AP3S2: variants seen among roughly 807,000 people sequenced by gnomAD.
AP3S2 encodes the protein adaptor related protein complex 3 subunit sigma 2, also known as AP-3 complex subunit sigma-2.
AP3S2 carries 22 observed loss-of-function variants against 23.4 expected under a neutral mutation model. That is an observed-to-expected ratio of 0.94 (90% CI 0.67 to 1.34). The LOEUF is 1.34. Ranked by LOEUF, AP3S2 falls within the 40% of genes most tolerant of loss-of-function variation. The pLI, the probability that AP3S2 is intolerant of heterozygous loss-of-function variation, is 0.00. For missense variants in AP3S2, 241 were observed against 236.9 expected, an observed-to-expected ratio of 1.02 and a Z score of -0.11; for synonymous variants, 86 against 87.1, an observed-to-expected ratio of 0.99 and a Z score of 0.07.
At chr15:89,867,016 C>A (rs1327632747) in intron 4 of AP3S2, among the ~76,000 whole-genome samples, 9 of 124,270 alleles carry the variant, frequency 7.2e-5, no homozygotes, top group Non-Finnish European at 1.0e-4. Flanking sequence ...CCCTACCCCT[C>A]CCCCTCCCCC....
Position 89,835,179 on chromosome 15 carries a change from A to G in AP3S2, c.*336T>C. The G allele has an allele frequency of 2.6e-6, 1 of 383,572 alleles. No individual in the cohort carries two copies. Among genetic ancestry groups the G allele is most frequent in the African/African-American group, 2.1e-5 (1 of 48,634 alleles). The allele number at this position is 383,572 out of a possible 1,614,324, so 23.8% of individuals were successfully genotyped here. A position where few individuals can be genotyped will look rare whatever the true frequency, so the allele number is the denominator to read the frequency against. On this transcript the variant is annotated 3_prime_UTR_variant, in exon 6 of 6. Transcript: ENST00000336418. ...GGAAGCAGGTGGGCCTGCTCAATGC[A>G]GTCCCTAACCCTTGGGAGCATCCAT...
chr15:89,871,385 C>A, intron 4 of AP3S2, 90 bp downstream of exon 4: 3 of 1,193,130 alleles, frequency 2.5e-6, no homozygotes, highest in African/African-American at 3.1e-5. Flanking sequence ...AAACAAGAAA[C>A]AATATGAAGA....
At chr15:89,863,242 G>A (rs1323662716) in intron 4 of AP3S2, among the ~76,000 whole-genome samples, 2 of 152,164 alleles carry the variant, frequency 1.3e-5, no homozygotes, top group Non-Finnish European at 2.9e-5. Context: ...TGGGACTCTA[G>A]AAAGAGAACA....
chr15:89,869,678 C>A (rs1295300026), intron 4 of AP3S2, among the ~76,000 whole-genome samples: 3 of 151,696 alleles, frequency 2.0e-5, no homozygotes, highest in African/African-American at 7.3e-5. Flanking sequence ...TGGTGAGCAA[C>A]AGGTGGCATC....
intron 2 of AP3S2, 91 bp downstream of exon 2, chr15:89,888,958 C>G: frequency 3.4e-6 from 5 of 1,471,918 alleles, no homozygotes; most frequent in Non-Finnish European, 4.7e-6. Flanking sequence ...CATCAAGTAC[C>G]CACCTGACAC....
chr15:89,837,876 C>G, intron 4 of AP3S2, 154 bp from the exon 5 acceptor site: 1 of 776,170 alleles, frequency 1.3e-6, no homozygotes, highest in Non-Finnish European at 2.0e-6. Context: ...AGTGACACAA[C>G]GAGGGGTCTC....
At chr15:89,860,130 C>G (rs1217848078) in intron 4 of AP3S2, among the ~76,000 whole-genome samples, 1 of 152,060 alleles carries the variant, frequency 6.6e-6, no homozygotes, top group Non-Finnish European at 1.5e-5. Context: ...ATTCTACAGC[C>G]AACACTAAGA....
At chr15:89,845,401 G>T (rs887670572) in intron 4 of AP3S2, 1 of 152,224 alleles carries the variant, frequency 6.6e-6, no homozygotes, top group Non-Finnish European at 1.5e-5. Context: ...AGTCAGTTCA[G>T]ACCTTGTCCA....
chr15:89,893,836 T>A (rs369787936), intron 1 of AP3S2, 45 bp downstream of exon 1: 1 of 1,548,236 alleles, frequency 6.5e-7, no homozygotes, highest in South Asian at 1.2e-5. Flanking sequence ...AGGGAAGACA[T>A]AGTGGGCGCC....
chr15:89,858,493 A>AGAGAGAG (rs1596200467), intron 4 of AP3S2, among the ~76,000 whole-genome samples: 93 of 60,210 alleles, frequency 1.5e-3, no homozygotes, highest in Non-Finnish European at 2.3e-3. Flanking sequence ...GAAAGAAAGA[A>AGAGAGAG]AGAGAGAGAG....
At chr15:89,872,654 C>T (rs79427411) in intron 3 of AP3S2, among the ~76,000 whole-genome samples, 2,039 of 152,278 alleles carry the variant, frequency 0.013, 63 homozygotes, top group African/African-American at 0.046. Flanking sequence ...CCAGGCACAC[C>T]GTTCCACTGT....
At chr15:89,861,028 T>G (rs774500116) in intron 4 of AP3S2, among the ~76,000 whole-genome samples, 1 of 152,230 alleles carries the variant, frequency 6.6e-6, no homozygotes, top group Non-Finnish European at 1.5e-5. Context: ...GGACATCTGC[T>G]TCAACGTCAC....
At chr15:89,843,765 G>A (rs2141840808) in intron 4 of AP3S2, among the ~76,000 whole-genome samples, 1 of 152,246 alleles carries the variant, frequency 6.6e-6, no homozygotes, top group Middle Eastern at 3.4e-3. Context: ...CCAAGATCGT[G>A]CCACTGCACT....
chr15:89,887,529 G>A lies in AP3S2; in HGVS notation c.273+992C>T, dbSNP rs1470662910. 7.2e-5 allele frequency among the ~76,000 whole-genome samples: 11 copies of A among 151,754 alleles called. No homozygotes were observed. The South Asian group carries it at 2.3e-3, about 31-fold the overall frequency. On this transcript the variant is annotated intron_variant, in intron 3 of 5. Transcript: ENST00000336418. ...TGGGATTACTGGCACGTGCCACTAC[G>A]CCCGGCTAATTCTTGTATTTTTAGT...
chr15:89,890,011 T>C (rs1896784208), intron 1 of AP3S2, among the ~76,000 whole-genome samples: 1 of 152,168 alleles, frequency 6.6e-6, no homozygotes, highest in South Asian at 2.1e-4. Context: ...CAAAGTATTA[T>C]TGAGAAAAAT....
At chr15:89,892,643 T>C (rs562287532) in intron 1 of AP3S2, among the ~76,000 whole-genome samples, 2 of 146,574 alleles carry the variant, frequency 1.4e-5, no homozygotes, top group South Asian at 4.3e-4. Context: ...TGAATACTCA[T>C]ATACATACAT....
chr15:89,862,310 T>C (rs1896024925), intron 4 of AP3S2, among the ~76,000 whole-genome samples: 1 of 152,210 alleles, frequency 6.6e-6, no homozygotes, highest in South Asian at 2.1e-4. Context: ...ATATGAACTA[T>C]ATATTGGAAA....
At chr15:89,872,500 A>G (rs1229663885) in intron 3 of AP3S2, among the ~76,000 whole-genome samples, 1 of 152,230 alleles carries the variant, frequency 6.6e-6, no homozygotes, top group Non-Finnish European at 1.5e-5. Context: ...CACACCATGT[A>G]ACTACAACCT....
At chr15:89,845,540 T>G (rs1231617389) in intron 4 of AP3S2, 1 of 152,214 alleles carries the variant, frequency 6.6e-6, no homozygotes, top group Non-Finnish European at 1.5e-5. Flanking sequence ...ACTGAACTCA[T>G]GTACCTAAAG....
Sources: gnomAD v4.1 joint callset for allele counts (sites outside exome capture counted in the v4.1 genomes callset) on GRCh38, gnomAD v4.1.1 for gene constraint, MANE v1.5 for transcripts, NCBI Gene and HGNC (gene_info 2026-07-23, HGNC 2026-07-21) for gene names.